The following UMAD1 variants were observed in gnomAD, a reference collection of about 807,000 sequenced individuals.
UMAD1 encodes the protein UBAP1-MVB12-associated (UMA) domain containing 1, also known as UBAP1-MVB12-associated (UMA)-domain containing protein 1.
Under a neutral mutation model 6.1 loss-of-function variants are expected in UMAD1, and 8 were observed. The ratio of observed to expected loss-of-function variants is 1.30; its 90% confidence interval spans 0.76 to 2.35. The LOEUF (loss-of-function observed/expected upper bound fraction) is 2.35, where lower values mean the gene tolerates loss of function less well. Ranked by LOEUF, UMAD1 falls within the 30% of genes most tolerant of loss-of-function variation. The probability of loss-of-function intolerance (pLI) is 0.00; values close to 1 mark genes in which losing one functional copy is unlikely to be tolerated. For synonymous variants in UMAD1, 56 were observed against 31.4 expected (o/e 1.78, Z -2.61); for missense variants, 130 against 78.4 (o/e 1.66, Z -2.49).
intron 2 of UMAD1, among the ~76,000 whole-genome samples, chr7:7,675,864 G>T (rs2115112384): frequency 6.6e-6 from 1 of 152,262 alleles, no homozygotes; most frequent in South Asian, 2.1e-4. Context: ...GTTGGCTGAG[G>T]CCTCGTTGCC....
intron 2 of UMAD1, among the ~76,000 whole-genome samples, chr7:7,792,389 T>C (rs976226228): frequency 7.9e-5 from 12 of 152,208 alleles, no homozygotes; most frequent in African/African-American, 2.9e-4. Flanking sequence ...TCCTCTTTTC[T>C]TCATTATGGT....
chr7:7,786,179 T>A (rs920567613), intron 2 of UMAD1, among the ~76,000 whole-genome samples: 1 of 152,216 alleles, frequency 6.6e-6, no homozygotes, highest in East Asian at 1.9e-4. Flanking sequence ...AAGGATCCAG[T>A]CTAGAATCAC....
intron 2 of UMAD1, among the ~76,000 whole-genome samples, chr7:7,780,517 A>G (rs1782323247): frequency 6.6e-6 from 1 of 152,234 alleles, no homozygotes; most frequent in African/African-American, 2.4e-5. Flanking sequence ...ACATGCAGAA[A>G]CATGCACAAA....
intron 1 of UMAD1, among the ~76,000 whole-genome samples, chr7:7,649,136 C>A (rs1283901613): frequency 5.8e-5 from 7 of 121,346 alleles, no homozygotes; most frequent in East Asian, 5.0e-4. Context: ...CCAGCCCGTG[C>A]GACAAGAGCG....
At chr7:7,767,414 C>T (rs1246504530) in intron 2 of UMAD1, among the ~76,000 whole-genome samples, 3 of 152,086 alleles carry the variant, frequency 2.0e-5, no homozygotes, top group East Asian at 1.9e-4. Flanking sequence ...CGTGAGCCAC[C>T]GCGCCCAGCC....
chr7:7,712,545 A>G (rs1780791924), intron 2 of UMAD1, among the ~76,000 whole-genome samples: 1 of 152,188 alleles, frequency 6.6e-6, no homozygotes. Flanking sequence ...TGTAGCAACC[A>G]TCTTGATAAA....
intron 2 of UMAD1, among the ~76,000 whole-genome samples, chr7:7,738,088 G>A (rs77522931): frequency 0.082 from 12,438 of 152,048 alleles, 563 homozygotes; most frequent in African/African-American, 0.13. Context: ...ATACATAAAC[G>A]GGTATATTTT....
chr7:7,680,367 C>T (rs1294975784), intron 2 of UMAD1, among the ~76,000 whole-genome samples: 1 of 152,020 alleles, frequency 6.6e-6, no homozygotes, highest in Admixed American at 6.6e-5. Context: ...GAATTTATTC[C>T]TGGGTTCTGT....
chr7:7,865,064 G>T (rs1204833208), intron 3 of UMAD1, among the ~76,000 whole-genome samples: 1 of 152,146 alleles, frequency 6.6e-6, no homozygotes, highest in Non-Finnish European at 1.5e-5. Context: ...TCTTCTGTTT[G>T]ACTGTTCATG....
intron 3 of UMAD1, among the ~76,000 whole-genome samples, chr7:7,810,470 T>C (rs1188562973): frequency 1.3e-5 from 2 of 152,146 alleles, no homozygotes; most frequent in Non-Finnish European, 2.9e-5. Flanking sequence ...TGATGAGTTT[T>C]CAATAAAATA....
chr7:7,847,098 AAAAAAAATATATATATATAT>A (rs1454403041), intron 3 of UMAD1, among the ~76,000 whole-genome samples: 3 of 46,918 alleles, frequency 6.4e-5, no homozygotes, highest in African/African-American at 1.6e-4. Context: ...AAAAAAAAAA[AAAAAAAATATATATATATAT>A]ATATATATAT....
At chr7:7,659,326 T>C (rs1172457095) in intron 1 of UMAD1, among the ~76,000 whole-genome samples, 2 of 152,176 alleles carry the variant, frequency 1.3e-5, no homozygotes, top group African/African-American at 4.8e-5. Flanking sequence ...CTGATCTTAG[T>C]TATTTCTTGT....
chr7:7,768,952 C>G (rs920267283), intron 2 of UMAD1, among the ~76,000 whole-genome samples: 1 of 151,970 alleles, frequency 6.6e-6, no homozygotes, highest in South Asian at 2.1e-4. Context: ...ACCTATAGCT[C>G]TCTGTGGTAT....
intron 3 of UMAD1, among the ~76,000 whole-genome samples, chr7:7,807,926 T>C (rs1473016198): frequency 6.6e-6 from 1 of 152,054 alleles, no homozygotes; most frequent in Non-Finnish European, 1.5e-5. Context: ...CATCCTAAGA[T>C]ATTATCACCT....
intron 2 of UMAD1, among the ~76,000 whole-genome samples, chr7:7,702,974 TATC>T (rs1228974487): frequency 1.3e-5 from 2 of 152,226 alleles, no homozygotes; most frequent in Admixed American, 1.3e-4. Context: ...CGTGTAAACT[TATC>T]ATGTGCTCCT....
chr7:7,788,888 G>T (rs1782506561), intron 2 of UMAD1, among the ~76,000 whole-genome samples: 1 of 152,148 alleles, frequency 6.6e-6, no homozygotes, highest in African/African-American at 2.4e-5. Context: ...GATCATTAAA[G>T]GTTACACATA....
intron 2 of UMAD1, among the ~76,000 whole-genome samples, chr7:7,711,480 A>G (rs1780762144): frequency 6.6e-6 from 1 of 152,168 alleles, no homozygotes; most frequent in Non-Finnish European, 1.5e-5. Flanking sequence ...AGGATATTGT[A>G]CTTCAAGGAT....
intron 2 of UMAD1, among the ~76,000 whole-genome samples, chr7:7,754,472 G>C (rs1781737621): frequency 6.6e-6 from 1 of 152,102 alleles, no homozygotes; most frequent in African/African-American, 2.4e-5. Context: ...ATTTCCTACA[G>C]AGTTGTTTGA....
At chr7:7,801,545 G>A (rs978344216) in intron 2 of UMAD1, 125 bp from the exon 3 acceptor site, 9 of 596,952 alleles carry the variant, frequency 1.5e-5, no homozygotes, top group African/African-American at 1.5e-4. Context: ...TGAAACAAGG[G>A]AAATAGTGGT....
Sources: allele counts gnomAD v4.1 joint callset (sites outside exome capture counted in the v4.1 genomes callset), GRCh38; gene constraint gnomAD v4.1.1; transcripts MANE v1.5; gene names NCBI Gene and HGNC (gene_info 2026-07-23, HGNC 2026-07-21).